The following RIPK2 variants were observed in gnomAD, a reference collection of about 807,000 sequenced individuals.
RIPK2 encodes receptor interacting serine/threonine kinase 2.
A neutral mutation model predicts 60.9 loss-of-function variants in RIPK2; 38 were observed. The ratio of observed to expected loss-of-function variants is 0.62; its 90% CI spans 0.48 to 0.82. The LOEUF (loss-of-function observed/expected upper bound fraction) is 0.82. RIPK2 is among the 40% of genes least tolerant of loss of function. The pLI is 0.00. For missense variants in RIPK2, 518 were observed against 647.0 expected (o/e 0.80, Z 2.16); for synonymous variants, 225 against 223.4 (o/e 1.01, Z -0.06).
chr8:89,776,161 G>A (rs1272934160), intron 6 of RIPK2, among the ~76,000 whole-genome samples: 1 of 152,168 alleles, frequency 6.6e-6, no homozygotes, highest in African/African-American at 2.4e-5. Flanking sequence ...AAATAAGCAT[G>A]CTTAGTTTTT....
intron 2 of RIPK2, among the ~76,000 whole-genome samples, chr8:89,764,426 G>T (rs536095602): frequency 6.6e-6 from 1 of 152,128 alleles, no homozygotes; most frequent in Non-Finnish European, 1.5e-5. Flanking sequence ...ATAAGCTGAC[G>T]CATTTGCAGA....
chr8:89,784,140 GTAAAA>G lies in RIPK2; in HGVS notation c.1029+2_1029+6del, dbSNP rs757892741. On this transcript the variant is annotated splice_donor_variant and splice_donor_5th_base_variant and intron_variant, in intron 8 of 10. Transcript: ENST00000220751. LOFTEE classifies it high-confidence loss of function. ...ACCTGTAAATCATGGTCCACAAGAG[GTAAAA>G]AAAAAAAAAAAAAAAAAAAGGTTAT... 4 of 476,198 alleles carry G rather than the reference GTAAAA, an allele frequency of 8.4e-6. No individual in the cohort carries two copies. The highest frequency in any genetic ancestry group is 9.0e-6 in the Non-Finnish European group (3 of 332,442). The allele number at this position is 476,198 out of a possible 1,614,324, so 29.5% of individuals were successfully genotyped here.
At chr8:89,775,951 G>C (rs1376598417) in intron 6 of RIPK2, among the ~76,000 whole-genome samples, 1 of 152,208 alleles carries the variant, frequency 6.6e-6, no homozygotes, top group African/African-American at 2.4e-5. Flanking sequence ...CAGAATATCA[G>C]TTTCATTACT....
chr8:89,778,583 C>G (rs1324194437), intron 6 of RIPK2, among the ~76,000 whole-genome samples: 2 of 152,160 alleles, frequency 1.3e-5, no homozygotes, highest in Non-Finnish European at 2.9e-5. Flanking sequence ...CCTTTTGCAT[C>G]TGGCTCTTTT....
chr8:89,777,150 G>C (rs1354291360), intron 6 of RIPK2, among the ~76,000 whole-genome samples: 1 of 152,218 alleles, frequency 6.6e-6, no homozygotes, highest in East Asian at 1.9e-4. Context: ...AGATTTCAGA[G>C]GGTTCCTCTC....
At chr8:89,762,082 G>A (rs1263986565) in intron 1 of RIPK2, among the ~76,000 whole-genome samples, 2 of 152,050 alleles carry the variant, frequency 1.3e-5, no homozygotes, top group African/African-American at 4.8e-5. Flanking sequence ...TGGCTGCTGG[G>A]GAGGCTAAGG....
chr8:89,779,233 C>G (rs1461670499), intron 6 of RIPK2, among the ~76,000 whole-genome samples: 1 of 145,610 alleles, frequency 6.9e-6, no homozygotes, highest in South Asian at 2.2e-4. Context: ...TGCAGCTTAT[C>G]TTATTTTTTC....
chr8:89,785,212 A>G (rs568832829), intron 8 of RIPK2, among the ~76,000 whole-genome samples: 1 of 152,314 alleles, frequency 6.6e-6, no homozygotes, highest in East Asian at 1.9e-4. Context: ...CGATGGCTCA[A>G]GTCTGTGATC....
chr8:89,759,395 C>T (rs1279743569), intron 1 of RIPK2: 2 of 456,270 alleles, frequency 4.4e-6, no homozygotes, highest in Non-Finnish European at 8.8e-6. Flanking sequence ...TCTCCTCCTC[C>T]TATATCTAAT....
Position 89,771,818 on chromosome 8 carries a change from C to CA in RIPK2, c.691+30dup, listed in dbSNP as rs544519301. 100 of 1,416,808 alleles carry CA rather than the reference C, an allele frequency of 7.1e-5. No individual in the cohort carries two copies. In the African/African-American group the frequency reaches 1.0e-3, roughly 14 times the overall value. 87.8% of individuals were successfully genotyped at this position (1,416,808 alleles called of 1,614,324 possible). On this transcript the variant is annotated intron_variant, in intron 5 of 10. Transcript: ENST00000220751. ...AAGTATGGTTTGACTTTTTTATGCT[C>CA]AATAACATCATGTTAGTAGGTCACT...
chr8:89,764,808 TAGTC>T (rs1453855974), intron 2 of RIPK2, among the ~76,000 whole-genome samples: 1 of 152,118 alleles, frequency 6.6e-6, no homozygotes, highest in Non-Finnish European at 1.5e-5. Context: ...AATTAATGCT[TAGTC>T]AATAAATACA....
chr8:89,780,610 G>A (rs925684676), intron 7 of RIPK2: 2 of 151,714 alleles, frequency 1.3e-5, no homozygotes, highest in African/African-American at 4.8e-5. Context: ...TGAATGCACT[G>A]AGCCATTAGA....
chr8:89,764,921 T>C (rs896105862), intron 2 of RIPK2, among the ~76,000 whole-genome samples: 1 of 152,190 alleles, frequency 6.6e-6, no homozygotes, highest in African/African-American at 2.4e-5. Context: ...CCTTGGTATT[T>C]ACTAGAAAAA....
At chr8:89,769,730 T>G (rs1419787744) in intron 3 of RIPK2, 42 bp from the exon 4 acceptor site, 1 of 1,445,278 alleles carries the variant, frequency 6.9e-7, no homozygotes, top group Middle Eastern at 1.8e-4. Flanking sequence ...TTGGACTTTT[T>G]AAAGAGGAAA....
At chr8:89,782,997 A>T (rs1156684156) in intron 7 of RIPK2, among the ~76,000 whole-genome samples, 1 of 152,244 alleles carries the variant, frequency 6.6e-6, no homozygotes, top group Admixed American at 6.5e-5. Flanking sequence ...TTAAAGGGTC[A>T]TATAACAATA....
intron 3 of RIPK2, among the ~76,000 whole-genome samples, chr8:89,766,717 T>C (rs1273111236): frequency 6.6e-6 from 1 of 151,726 alleles, no homozygotes; most frequent in Non-Finnish European, 1.5e-5. Context: ...TGTAGTGATA[T>C]CTCATCTTGG....
intron 5 of RIPK2, 40 bp from the exon 6 acceptor site, chr8:89,772,627 T>A: frequency 2.1e-6 from 3 of 1,409,444 alleles, no homozygotes; most frequent in Non-Finnish European, 2.9e-6. Flanking sequence ...TGCTTAATCA[T>A]AATATATTAC....
rs1323373711 is a variant in RIPK2 at position 89,780,122 on chromosome 8, A to G, written c.901A>G (p.Thr301Ala). The stretch of plus-strand genomic sequence containing the variant: ...AGTTTTGAGAACATTTGAAGAGATA[A>G]CTTTTCTTGAAGCTGTTATTCAGCT... The part of the protein sequence containing the change: ...EPVLRTFEEI[T>A]FLEAVIQLKK... The change falls in exon 7 of 11, where the codon ACT (threonine) becomes GCT (alanine). Residue 301 changes from threonine to alanine, a missense_variant. Thr to Ala is a moderately conservative substitution (Grantham distance 58, BLOSUM62 0). Around this residue, in one of 3 missense-constraint regions of RIPK2, gnomAD observed 448 missense variants for 534.7 expected, o/e 0.84. Transcript: ENST00000220751. 6.4e-7 allele frequency: 1 copy of G among 1,574,634 alleles called. No homozygotes were observed. Among genetic ancestry groups the G allele is most frequent in the African/African-American group, 1.3e-5 (1 of 74,158 alleles).
rs1809070034 is a variant in RIPK2, at chr8:89,757,884, G to A, written c.-177G>A. On this transcript the variant is annotated 5_prime_UTR_variant, in exon 1 of 11. Coordinates refer to ENST00000220751, the MANE Select transcript of RIPK2 (RefSeq NM_003821.6). ...GTCAGCTCTGGTTCGGAGAAGCAGC[G>A]GCTGGCGTGGGCCATCCGGGGAATG... 2 of 1,365,214 alleles carry A rather than the reference G, an allele frequency of 1.5e-6. No individual in the cohort carries two copies. The highest frequency in any genetic ancestry group is 1.9e-6 in the Non-Finnish European group (2 of 1,060,404). 84.6% of individuals were successfully genotyped at this position (1,365,214 alleles called of 1,614,324 possible).
Sources: gnomAD v4.1 joint callset for allele counts (sites outside exome capture counted in the v4.1 genomes callset) on GRCh38, gnomAD v4.1.1 for gene constraint, gnomAD v4.1.1 regional missense constraint, MANE v1.5 for transcripts, NCBI Gene and HGNC (gene_info 2026-07-23, HGNC 2026-07-21) for gene names.